SMIM13: variants seen among roughly 807,000 people sequenced by gnomAD.
SMIM13 encodes the protein small integral membrane protein 13, also known as UPF0766 protein C6orf228.
Under a neutral mutation model 5.9 loss-of-function variants are expected in SMIM13, and 3 were observed. The observed-to-expected ratio is 0.51, with a 90% CI of 0.23 to 1.31. The LOEUF is 1.31. Ranked by LOEUF, SMIM13 falls within the 40% of genes most tolerant of loss-of-function variation. SMIM13 has a pLI of 0.18. For missense variants in SMIM13, 85 were observed against 109.9 expected, an observed-to-expected ratio of 0.77 and a Z score of 1.01; for synonymous variants, 55 against 46.0, an observed-to-expected ratio of 1.19 and a Z score of -0.79.
chr6:11,111,448 C>T (rs1031414068), intron 1 of SMIM13, among the ~76,000 whole-genome samples: 3 of 152,132 alleles, frequency 2.0e-5, no homozygotes, highest in Non-Finnish European at 4.4e-5. Flanking sequence ...TCTGGGGGGG[C>T]CATTAGTGTC....
intron 1 of SMIM13, among the ~76,000 whole-genome samples, chr6:11,106,545 G>A (rs1335551405): frequency 6.6e-6 from 1 of 152,174 alleles, no homozygotes; most frequent in Non-Finnish European, 1.5e-5. Flanking sequence ...TCCATTGGTA[G>A]GCTTTAGGTA....
chr6:11,104,596 A>C, intron 1 of SMIM13: 1 of 1,614,002 alleles, frequency 6.2e-7, no homozygotes, highest in East Asian at 2.2e-5. Context: ...TTATTTTCCC[A>C]AAAAAGAGAA....
intron 1 of SMIM13, among the ~76,000 whole-genome samples, chr6:11,117,342 T>A (rs1028093912): frequency 3.3e-5 from 3 of 89,658 alleles, no homozygotes; most frequent in Non-Finnish European, 6.8e-5. Context: ...TTTTTGTATT[T>A]TTTTTTTTTT....
intron 1 of SMIM13, among the ~76,000 whole-genome samples, chr6:11,119,039 A>G (rs939441686): frequency 9.2e-5 from 14 of 152,224 alleles, no homozygotes; most frequent in Non-Finnish European, 2.1e-4. Context: ...CAAGGATGTG[A>G]TCTAGGATAG....
intron 1 of SMIM13, among the ~76,000 whole-genome samples, chr6:11,129,053 T>C (rs909365125): frequency 6.8e-6 from 1 of 147,400 alleles, no homozygotes; most frequent in Non-Finnish European, 1.5e-5. Flanking sequence ...TGGATAGTTG[T>C]TCAATTTGGC....
intron 1 of SMIM13, among the ~76,000 whole-genome samples, chr6:11,101,736 G>A (rs1757994678): frequency 6.7e-6 from 1 of 148,818 alleles, no homozygotes; most frequent in South Asian, 2.1e-4. Flanking sequence ...AACATCTTAA[G>A]CAATTCTTTT....
chr6:11,110,648 T>C (rs1335191956), intron 1 of SMIM13, among the ~76,000 whole-genome samples: 1 of 152,086 alleles, frequency 6.6e-6, no homozygotes, highest in African/African-American at 2.4e-5. Context: ...CTTAACGAGG[T>C]AGAACAATCC....
chr6:11,109,622 C>T (rs886584504), intron 1 of SMIM13, among the ~76,000 whole-genome samples: 4 of 152,184 alleles, frequency 2.6e-5, no homozygotes, highest in Admixed American at 2.6e-4. Context: ...TCCATTTTCC[C>T]TGGTGGTAGC....
intron 1 of SMIM13, chr6:11,104,319 C>G: frequency 6.4e-7 from 1 of 1,551,708 alleles, no homozygotes. Context: ...AGAGAGATTG[C>G]CAGGGGCTAT....
At chr6:11,106,890 C>T (rs1172553844) in intron 1 of SMIM13, among the ~76,000 whole-genome samples, 1 of 152,226 alleles carries the variant, frequency 6.6e-6, no homozygotes, top group Admixed American at 6.5e-5. Flanking sequence ...GGTACACCCT[C>T]TCCTTCCAGA....
chr6:11,115,511 T>G (rs1758225474), intron 1 of SMIM13, among the ~76,000 whole-genome samples: 1 of 152,190 alleles, frequency 6.6e-6, no homozygotes, highest in African/African-American at 2.4e-5. Flanking sequence ...GGTTTTTACC[T>G]AATTGAGTCA....
At chr6:11,121,563 C>T (rs994874008) in intron 1 of SMIM13, among the ~76,000 whole-genome samples, 2 of 152,072 alleles carry the variant, frequency 1.3e-5, no homozygotes, top group African/African-American at 4.8e-5. Context: ...ATACAGGTGC[C>T]TCTCCCCCTC....
chr6:11,110,490 G>C (rs1758151006), intron 1 of SMIM13, among the ~76,000 whole-genome samples: 1 of 152,116 alleles, frequency 6.6e-6, no homozygotes, highest in Admixed American at 6.6e-5. Context: ...TCTGCCAATT[G>C]CTGCAAGGGG....
rs184642003 is a variant in SMIM13, at chr6:11,100,089, C to T, written c.76+5700C>T. 2.0e-5 allele frequency among the ~76,000 whole-genome samples: 3 copies of T among 151,920 alleles called. No homozygotes were observed. In the East Asian group the frequency reaches 5.8e-4, roughly 29 times the overall value. Reference sequence around the variant, plus strand: ...GTTTTTGTTTTTTTTGAGAGGGAGTCTCACTCTGTTGCCCAGGCTGGAGTC... The same window carrying T: ...GTTTTTGTTTTTTTTGAGAGGGAGTTTCACTCTGTTGCCCAGGCTGGAGTC... On this transcript the variant is annotated intron_variant, in intron 1 of 1. Transcript: ENST00000416247.
At chr6:11,097,974 C>G (rs901996444) in intron 1 of SMIM13, among the ~76,000 whole-genome samples, 13 of 151,904 alleles carry the variant, frequency 8.6e-5, no homozygotes, top group African/African-American at 3.1e-4. Flanking sequence ...TCTGAGATTT[C>G]ATGGACTCCT....
intron 1 of SMIM13, chr6:11,103,459 C>A (rs373330106): frequency 3.6e-6 from 2 of 551,090 alleles, no homozygotes; most frequent in Non-Finnish European, 5.9e-6. Flanking sequence ...ATTTCCCCCC[C>A]TCAAGAGTCC....
intron 1 of SMIM13, among the ~76,000 whole-genome samples, chr6:11,123,327 T>C (rs115243166): frequency 4.6e-5 from 7 of 152,192 alleles, no homozygotes; most frequent in African/African-American, 7.2e-5. Context: ...GTAAGGGCGC[T>C]TCCTCCCGTG....
At chr6:11,104,281 G>A (rs1237268716) in intron 1 of SMIM13, 1 of 1,551,724 alleles carries the variant, frequency 6.4e-7, no homozygotes, top group South Asian at 1.2e-5. Flanking sequence ...CTGGGCAACG[G>A]GGAATTCCCA....
intron 1 of SMIM13, among the ~76,000 whole-genome samples, chr6:11,097,395 C>G (rs916948992): frequency 2.6e-5 from 4 of 152,164 alleles, no homozygotes; most frequent in Non-Finnish European, 5.9e-5. Context: ...GCGGCCCATG[C>G]CTGTAATCCC....
Sources: gnomAD v4.1 joint callset for allele counts (sites outside exome capture counted in the v4.1 genomes callset) on GRCh38, gnomAD v4.1.1 for gene constraint, MANE v1.5 for transcripts, NCBI Gene and HGNC (gene_info 2026-07-23, HGNC 2026-07-21) for gene names.